BTBD9: variants seen among roughly 807,000 people sequenced by gnomAD.
The protein encoded by BTBD9 is BTB domain containing 9.
A neutral mutation model predicts 64.3 loss-of-function variants in BTBD9; 49 were observed. The ratio of observed to expected loss-of-function variants is 0.76; its 90% confidence interval spans 0.61 to 0.97. The LOEUF (loss-of-function observed/expected upper bound fraction) is 0.97, where lower values mean the gene tolerates loss of function less well. BTBD9 is among the 50% of genes least tolerant of loss of function. The probability of loss-of-function intolerance (pLI) is 0.00; values close to 1 mark genes in which losing one functional copy is unlikely to be tolerated. For missense variants in BTBD9, 598 were observed against 762.1 expected, an observed-to-expected ratio of 0.78 and a Z score of 2.53; for synonymous variants, 260 against 274.7, an observed-to-expected ratio of 0.95 and a Z score of 0.53.
intron 7 of BTBD9, among the ~76,000 whole-genome samples, chr6:38,331,198 G>C (rs1763663385): frequency 6.6e-6 from 1 of 152,222 alleles, no homozygotes; most frequent in Non-Finnish European, 1.5e-5. Flanking sequence ...AGAAGCAACA[G>C]GCCAGGCGTG....
At chr6:38,326,435 C>T (rs1007389725) in intron 7 of BTBD9, among the ~76,000 whole-genome samples, 2 of 151,916 alleles carry the variant, frequency 1.3e-5, no homozygotes, top group Admixed American at 6.6e-5. Context: ...GAGAGCATCC[C>T]GATAAGACAA....
chr6:38,598,044 A>T lies in BTBD9; in HGVS notation c.51T>A (p.Asp17Glu). ...LRPFTAVGEI[D>E]HVHILSEHIG... ...TATGTTCAGACAAAATGTGCACATG[A>T]TCAATTTCCCCCACTGCAGTAAAGG... Residue 17 changes from aspartate (D) to glutamate (E), a missense_variant, in exon 2 of 11, where the codon GAT (aspartate) becomes GAA (glutamate). By Grantham distance (45) the Asp-to-Glu change is conservative (BLOSUM62 2). Coordinates refer to ENST00000481247, the MANE Select transcript of BTBD9 (RefSeq NM_001099272.2). The T allele has an allele frequency of 6.2e-7, 1 of 1,613,982 alleles. No individual in the cohort carries two copies. The highest frequency in any genetic ancestry group is 8.5e-7 in the Non-Finnish European group (1 of 1,179,866).
In BTBD9 at chr6:38,168,603, A is replaced by G. The variant is rs1258416740; in HGVS notation, c.*6382T>C. On this transcript the variant is annotated 3_prime_UTR_variant, in exon 11 of 11. Coordinates refer to ENST00000481247, the MANE Select transcript of BTBD9 (RefSeq NM_001099272.2). ...CGCATCGTGCTCACAAATAATACAC[A>G]TTCCACATAGCAGCACAGCCTTTTG... is the stretch of plus-strand genomic sequence containing the variant. 6.6e-6 allele frequency: 1 copy of G among 152,246 alleles called. No individual in the cohort carries two copies. The highest frequency in any genetic ancestry group is 1.5e-5 in the Non-Finnish European group (1 of 68,052). The allele number at this position is 152,246 out of a possible 1,614,324, so 9.4% of individuals were successfully genotyped here.
At chr6:38,255,794 G>C (rs1764555956) in intron 9 of BTBD9, among the ~76,000 whole-genome samples, 1 of 152,120 alleles carries the variant, frequency 6.6e-6, no homozygotes, top group South Asian at 2.1e-4. Flanking sequence ...AGTATGTATT[G>C]CTTCAGCAAA....
At chr6:38,446,443 T>C (rs1247600452) in intron 6 of BTBD9, among the ~76,000 whole-genome samples, 1 of 152,002 alleles carries the variant, frequency 6.6e-6, no homozygotes, top group Non-Finnish European at 1.5e-5. Flanking sequence ...TTGTTGAGAG[T>C]CTGTCTCTAC....
chr6:38,261,661 A>C (rs1320573401), intron 8 of BTBD9, among the ~76,000 whole-genome samples: 1 of 152,210 alleles, frequency 6.6e-6, no homozygotes, highest in Non-Finnish European at 1.5e-5. Flanking sequence ...GAAGGTATTA[A>C]TTTTTATTAG....
chr6:38,307,460 G>A (rs1762668545), intron 7 of BTBD9, among the ~76,000 whole-genome samples: 1 of 152,134 alleles, frequency 6.6e-6, no homozygotes, highest in Admixed American at 6.5e-5. Context: ...CTTTCCCAAA[G>A]TTTCCCCCAC....
intron 6 of BTBD9, among the ~76,000 whole-genome samples, chr6:38,479,207 C>G (rs995686733): frequency 6.6e-6 from 1 of 152,076 alleles, no homozygotes; most frequent in African/African-American, 2.4e-5. Flanking sequence ...ACCTGACAGG[C>G]GCCCAATGTG....
intron 6 of BTBD9, among the ~76,000 whole-genome samples, chr6:38,561,314 C>G (rs996889064): frequency 6.9e-6 from 1 of 145,158 alleles, no homozygotes; most frequent in African/African-American, 2.5e-5. Context: ...GCTGGAGAGG[C>G]TGCGGAAAAA....
intron 6 of BTBD9, among the ~76,000 whole-genome samples, chr6:38,453,546 T>G (rs796906485): frequency 6.6e-6 from 1 of 151,970 alleles, no homozygotes; most frequent in Non-Finnish European, 1.5e-5. Flanking sequence ...TCAGAGTGGT[T>G]TTAAGTATTT....
chr6:38,258,500 T>TAC (rs1406070345), intron 8 of BTBD9, among the ~76,000 whole-genome samples: 7 of 152,256 alleles, frequency 4.6e-5, no homozygotes, highest in Non-Finnish European at 8.8e-5. Context: ...GAAGGCAGTG[T>TAC]CTACGTCTTA....
At chr6:38,509,764 C>A (rs1772696261) in intron 6 of BTBD9, among the ~76,000 whole-genome samples, 1 of 152,152 alleles carries the variant, frequency 6.6e-6, no homozygotes, top group African/African-American at 2.4e-5. Context: ...TTGCCCTGAA[C>A]ACAGCAGCCT....
intron 8 of BTBD9, among the ~76,000 whole-genome samples, chr6:38,263,635 C>T (rs902211734): frequency 2.6e-5 from 4 of 152,148 alleles, no homozygotes; most frequent in Admixed American, 6.6e-5. Flanking sequence ...TCTTTGATCA[C>T]AGGCATACAG....
intron 6 of BTBD9, among the ~76,000 whole-genome samples, chr6:38,491,314 T>C (rs2127391355): frequency 6.6e-6 from 1 of 152,342 alleles, no homozygotes; most frequent in African/African-American, 2.4e-5. Flanking sequence ...AAGGTGTTAG[T>C]TACATAATAG....
At chr6:38,196,259 G>A (rs1316138900) in intron 9 of BTBD9, among the ~76,000 whole-genome samples, 1 of 152,186 alleles carries the variant, frequency 6.6e-6, no homozygotes, top group Non-Finnish European at 1.5e-5. Flanking sequence ...TCTCTAGGCT[G>A]CAGTCTCTTC....
At chr6:38,360,511 A>G (rs1417025053) in intron 6 of BTBD9, among the ~76,000 whole-genome samples, 1 of 152,210 alleles carries the variant, frequency 6.6e-6, no homozygotes, top group Non-Finnish European at 1.5e-5. Flanking sequence ...TGTTATATAA[A>G]TTCCACACAA....
chr6:38,438,236 G>C (rs10947736), intron 6 of BTBD9, among the ~76,000 whole-genome samples: 3 of 41,858 alleles, frequency 7.2e-5, no homozygotes, highest in East Asian at 4.1e-3. Flanking sequence ...GGGAGGGAGG[G>C]AGGGAGGGAG....
intron 6 of BTBD9, among the ~76,000 whole-genome samples, chr6:38,349,672 C>A (rs909778025): frequency 6.6e-6 from 1 of 151,982 alleles, no homozygotes; most frequent in African/African-American, 2.4e-5. Flanking sequence ...TTCAGGCATC[C>A]ACTGAAGGTC....
At chr6:38,636,347 T>C (rs1399337911) in intron 1 of BTBD9, among the ~76,000 whole-genome samples, 2 of 152,182 alleles carry the variant, frequency 1.3e-5, no homozygotes, top group African/African-American at 2.4e-5. Context: ...TCCCTAACCA[T>C]CTCATAAACT....
Sources: allele counts gnomAD v4.1 joint callset (sites outside exome capture counted in the v4.1 genomes callset), GRCh38; gene constraint gnomAD v4.1.1; transcripts MANE v1.5; gene names NCBI Gene and HGNC (gene_info 2026-07-23, HGNC 2026-07-21).